The following CACNB2 variants were observed in gnomAD, a reference collection of about 807,000 sequenced individuals.
The protein encoded by CACNB2 is voltage-dependent L-type calcium channel subunit beta-2.
Under a neutral mutation model 73.3 loss-of-function variants are expected in CACNB2, and 42 were observed. The observed-to-expected ratio is 0.57, with a 90% CI of 0.45 to 0.74. The LOEUF is 0.74. Ranked by LOEUF, CACNB2 falls within the 30% of genes least tolerant of loss-of-function variation. The pLI is 0.00. For missense variants in CACNB2, 940 were observed against 853.0 expected, an observed-to-expected ratio of 1.10 and a Z score of -1.27; for synonymous variants, 348 against 310.3, an observed-to-expected ratio of 1.12 and a Z score of -1.28.
intron 3 of CACNB2, among the ~76,000 whole-genome samples, chr10:18,493,913 T>C (rs927638363): frequency 3.3e-5 from 5 of 152,194 alleles, no homozygotes; most frequent in African/African-American, 4.8e-5. Flanking sequence ...ATCCCTTGAC[T>C]GTACTCTAAT....
At chr10:18,151,919 C>T (rs2031593729) in intron 2 of CACNB2, among the ~76,000 whole-genome samples, 1 of 152,156 alleles carries the variant, frequency 6.6e-6, no homozygotes, top group Non-Finnish European at 1.5e-5. Flanking sequence ...CGCTTGAGTC[C>T]ATCATCATGG....
At chr10:18,316,646 T>TA (rs1201914052) in intron 2 of CACNB2, among the ~76,000 whole-genome samples, 1 of 152,028 alleles carries the variant, frequency 6.6e-6, no homozygotes, top group Non-Finnish European at 1.5e-5. Context: ...GTATTCGTTG[T>TA]AGTGCCAATT....
chr10:18,520,589 T>C (rs2051766674), intron 9 of CACNB2, among the ~76,000 whole-genome samples: 1 of 152,182 alleles, frequency 6.6e-6, no homozygotes, highest in Non-Finnish European at 1.5e-5. Flanking sequence ...CAGTGACTTC[T>C]TTTTTTCCTC....
intron 3 of CACNB2, among the ~76,000 whole-genome samples, chr10:18,470,607 T>C (rs971252963): frequency 4.6e-5 from 7 of 152,044 alleles, no homozygotes; most frequent in African/African-American, 1.2e-4. Context: ...TTCAGTTGCA[T>C]TGCATGGAGC....
intron 2 of CACNB2, among the ~76,000 whole-genome samples, chr10:18,375,167 A>G (rs2042744284): frequency 6.6e-6 from 1 of 152,130 alleles, no homozygotes; most frequent in Non-Finnish European, 1.5e-5. Flanking sequence ...AGCCATGATC[A>G]TACCACTGCA....
At chr10:18,226,037 T>A (rs922249408) in intron 2 of CACNB2, among the ~76,000 whole-genome samples, 2 of 151,824 alleles carry the variant, frequency 1.3e-5, no homozygotes, top group African/African-American at 2.4e-5. Flanking sequence ...TTTCTTTTTT[T>A]TTTTCTTGAG....
intron 3 of CACNB2, among the ~76,000 whole-genome samples, chr10:18,411,831 T>C (rs116771224): frequency 0.022 from 3,276 of 152,276 alleles, 113 homozygotes; most frequent in South Asian, 0.12. Flanking sequence ...AGAAATATAT[T>C]TGAGCAGTCA....
chr10:18,305,955 G>A (rs577566671), intron 2 of CACNB2, among the ~76,000 whole-genome samples: 3 of 152,210 alleles, frequency 2.0e-5, no homozygotes, highest in South Asian at 2.1e-4. Context: ...ACAGCAGACC[G>A]AGACCCCATC....
chr10:18,504,751 T>C (rs900101519), intron 5 of CACNB2, among the ~76,000 whole-genome samples: 3 of 152,078 alleles, frequency 2.0e-5, no homozygotes, highest in Non-Finnish European at 4.4e-5. Flanking sequence ...TTCAAGCGAT[T>C]CTCCTGCTTC....
intron 1 of CACNB2, among the ~76,000 whole-genome samples, chr10:18,148,801 C>T (rs2031243625): frequency 6.6e-6 from 1 of 151,972 alleles, no homozygotes; most frequent in Non-Finnish European, 1.5e-5. Flanking sequence ...TCAAGACCAG[C>T]CTAGGCAACA....
intron 2 of CACNB2, among the ~76,000 whole-genome samples, chr10:18,280,724 G>A (rs2038506590): frequency 6.6e-6 from 1 of 152,154 alleles, no homozygotes; most frequent in African/African-American, 2.4e-5. Context: ...AATCTTATTT[G>A]ATTTTGGCTT....
intron 3 of CACNB2, among the ~76,000 whole-genome samples, chr10:18,442,281 C>T (rs2046446235): frequency 1.3e-5 from 2 of 151,912 alleles, no homozygotes; most frequent in Admixed American, 6.5e-5. Context: ...TCATGGGTAC[C>T]TGGGATTACA....
intron 2 of CACNB2, among the ~76,000 whole-genome samples, chr10:18,355,809 T>G (rs2041885604): frequency 6.6e-6 from 1 of 151,966 alleles, no homozygotes; most frequent in African/African-American, 2.4e-5. Flanking sequence ...CTCATTTTTT[T>G]GTATTTTTAG....
At chr10:18,487,176 C>T (rs2049108960) in intron 3 of CACNB2, among the ~76,000 whole-genome samples, 1 of 152,188 alleles carries the variant, frequency 6.6e-6, no homozygotes, top group Non-Finnish European at 1.5e-5. Context: ...TGGCCAGCAC[C>T]ATGTTGTCTG....
chr10:18,243,439 A>G (rs1226568260), intron 2 of CACNB2, among the ~76,000 whole-genome samples: 1 of 152,086 alleles, frequency 6.6e-6, no homozygotes, highest in Non-Finnish European at 1.5e-5. Context: ...GGTGAAAGAG[A>G]CTCAACTCAA....
rs757266593 is a variant in CACNB2, at chr10:18,539,286, A to G, written c.1545A>G (p.Gln515=). 1.1e-5 allele frequency: 18 copies of G among 1,613,962 alleles called. No individual in the cohort carries two copies. The highest frequency in any genetic ancestry group is 1.5e-5 in the Non-Finnish European group (18 of 1,179,984). ...CCGCTCCTATCCGTTCTGCTTCCCA[A>G]GCTGAAGAAGAACCTAGTGTGGAAC... ...DRSAPIRSAS[Q]AEEEPSVEPV... is the part of the protein sequence containing the mutation. The change falls in exon 14 of 14, where the codon CAA becomes CAG. Residue 515 remains glutamine (Q), a synonymous_variant. Transcript: ENST00000324631.
At chr10:18,358,422 T>C (rs1417453860) in intron 2 of CACNB2, among the ~76,000 whole-genome samples, 1 of 151,558 alleles carries the variant, frequency 6.6e-6, no homozygotes, top group African/African-American at 2.4e-5. Flanking sequence ...ACTGAGCAAC[T>C]AGTATATGCT....
chr10:18,388,304 A>G (rs1232561345), intron 2 of CACNB2, among the ~76,000 whole-genome samples: 7 of 152,226 alleles, frequency 4.6e-5, no homozygotes, highest in Admixed American at 4.6e-4. Flanking sequence ...TAGATTTTCT[A>G]ATATTAATAT....
intron 2 of CACNB2, among the ~76,000 whole-genome samples, chr10:18,196,270 T>C (rs1160684173): frequency 6.7e-6 from 1 of 150,252 alleles, no homozygotes; most frequent in African/African-American, 2.4e-5. Flanking sequence ...AACAATACAA[T>C]GGCAGCACCA....
Sources: gnomAD v4.1 joint callset for allele counts (sites outside exome capture counted in the v4.1 genomes callset) on GRCh38, gnomAD v4.1.1 for gene constraint, MANE v1.5 for transcripts, NCBI Gene and HGNC (gene_info 2026-07-23, HGNC 2026-07-21) for gene names.